SRPK2: variants seen among roughly 807,000 people sequenced by gnomAD.
SRPK2 encodes SRSF protein kinase 2.
SRPK2 carries 21 observed loss-of-function variants against 90.8 expected under a neutral mutation model. The ratio of observed to expected loss-of-function variants is 0.23; its 90% CI spans 0.16 to 0.33. SRPK2 has a LOEUF of 0.33. Among genes scored for constraint, SRPK2 ranks in the 10% least tolerant of loss-of-function variants. SRPK2 has a pLI of 1.00. For synonymous variants in SRPK2, 288 were observed against 311.1 expected (o/e 0.93, Z 0.78); for missense variants, 620 against 869.0 (o/e 0.71, Z 3.60).
chr7:105,271,137 G>A (rs910450499), intron 2 of SRPK2, among the ~76,000 whole-genome samples: 1 of 152,134 alleles, frequency 6.6e-6, no homozygotes, highest in Non-Finnish European at 1.5e-5. Context: ...GATTACACTT[G>A]AATCCATCTT....
rs143148874 is a variant in SRPK2 at position 105,270,869 on chromosome 7, T to C, written c.72-67084A>G. 2.9e-3 allele frequency among the ~76,000 whole-genome samples: 444 copies of C among 152,354 alleles called. 1 individual carries two copies. Among genetic ancestry groups the C allele is most frequent in the African/African-American group, 9.9e-3 (411 of 41,592 alleles). ...CATGAAAATAAAGTAGTATTGTGCC[T>C]GGGATGCCATGAGCCCTCCCTGCTT... On this transcript the variant is annotated intron_variant, in intron 2 of 15. Transcript: ENST00000393651.
upstream of SRPK2, among the ~76,000 whole-genome samples, chr7:105,389,814 A>G (rs910590587): frequency 1.3e-5 from 2 of 152,236 alleles, no homozygotes; most frequent in African/African-American, 2.4e-5. Flanking sequence ...ATTTATGTAA[A>G]TAATTACAAT....
chr7:105,276,814 G>A (rs900239816), intron 2 of SRPK2, among the ~76,000 whole-genome samples: 1 of 152,142 alleles, frequency 6.6e-6, no homozygotes, highest in African/African-American at 2.4e-5. Flanking sequence ...TAGAAGTTAA[G>A]AGGAAAATGC....
intron 2 of SRPK2, among the ~76,000 whole-genome samples, chr7:105,350,666 A>G (rs914278848): frequency 6.6e-6 from 1 of 151,872 alleles, no homozygotes; most frequent in African/African-American, 2.4e-5. Flanking sequence ...CTAGAACTAC[A>G]GGCATACGCC....
At chr7:105,205,766 G>A (rs1008911937) in intron 2 of SRPK2, among the ~76,000 whole-genome samples, 2 of 152,172 alleles carry the variant, frequency 1.3e-5, no homozygotes, top group African/African-American at 4.8e-5. Flanking sequence ...CCAGCGGGAG[G>A]AAAAGGTTTG....
At chr7:105,311,961 A>G (rs1811751803) in intron 2 of SRPK2, among the ~76,000 whole-genome samples, 1 of 152,254 alleles carries the variant, frequency 6.6e-6, no homozygotes, top group Non-Finnish European at 1.5e-5. Context: ...TCCAAATGCC[A>G]TCAATGGGTG....
intron 2 of SRPK2, among the ~76,000 whole-genome samples, chr7:105,344,981 C>G (rs937465076): frequency 1.3e-5 from 2 of 151,922 alleles, no homozygotes; most frequent in Non-Finnish European, 2.9e-5. Context: ...ACTAAAAACA[C>G]AAAAATTAGC....
chr7:105,191,274 C>A (rs548510928), intron 3 of SRPK2, among the ~76,000 whole-genome samples: 1 of 152,290 alleles, frequency 6.6e-6, no homozygotes, highest in East Asian at 1.9e-4. Flanking sequence ...TCTCTATCAA[C>A]ATTTTTAAAA....
intron 15 of SRPK2, among the ~76,000 whole-genome samples, chr7:105,120,196 CT>C (rs1800135179): frequency 6.6e-6 from 1 of 152,174 alleles, no homozygotes; most frequent in Non-Finnish European, 1.5e-5. Flanking sequence ...AGGGAGCGAA[CT>C]TTTATGACAT....
intron 2 of SRPK2, among the ~76,000 whole-genome samples, chr7:105,265,607 G>A (rs115793282): frequency 5.3e-5 from 8 of 152,018 alleles, no homozygotes; most frequent in African/African-American, 1.7e-4. Flanking sequence ...ATGAAGAAAC[G>A]AGAACTTGAA....
chr7:105,379,779 C>T (rs574705737), intron 2 of SRPK2, among the ~76,000 whole-genome samples: 46 of 152,216 alleles, frequency 3.0e-4, no homozygotes, highest in African/African-American at 1.0e-3. Context: ...GAGATCGAGA[C>T]CAGCCCGGCC....
At chr7:105,330,372 T>G (rs1368969773) in intron 2 of SRPK2, among the ~76,000 whole-genome samples, 1 of 150,870 alleles carries the variant, frequency 6.6e-6, no homozygotes, top group Non-Finnish European at 1.5e-5. Context: ...AAATAAAATA[T>G]AAAAAATAAA....
At chr7:105,395,505 G>A (rs1822296952) in intron 1 of SRPK2, among the ~76,000 whole-genome samples, 2 of 151,804 alleles carry the variant, frequency 1.3e-5, no homozygotes, top group Non-Finnish European at 2.9e-5. Context: ...CAAGGCGGGC[G>A]AATCACCTGA....
chr7:105,181,579 C>A (rs992303356), intron 3 of SRPK2, among the ~76,000 whole-genome samples: 1 of 152,080 alleles, frequency 6.6e-6, no homozygotes, highest in Non-Finnish European at 1.5e-5. Context: ...ATGGATGGAG[C>A]TGGAGGCCAT....
chr7:105,335,809 A>G (rs1293609943), intron 2 of SRPK2, among the ~76,000 whole-genome samples: 1 of 152,036 alleles, frequency 6.6e-6, no homozygotes, highest in African/African-American at 2.4e-5. Flanking sequence ...ACAAAAAATT[A>G]GCCAAGCGTG....
intron 3 of SRPK2, among the ~76,000 whole-genome samples, chr7:105,188,331 G>A (rs892790902): frequency 6.6e-6 from 1 of 151,856 alleles, no homozygotes; most frequent in Non-Finnish European, 1.5e-5. Context: ...GGTTGTAGAG[G>A]GGAGGAGAAT....
rs189277067 is a variant in SRPK2, at chr7:105,360,523, A to G, written c.71+28125T>C. On this transcript the variant is annotated intron_variant, in intron 2 of 15. Transcript: ENST00000393651. ...TGGCTAGTACCAGCTTTTCCTTTCC[A>G]TATTTAGTGCTTCCTTCAGGAGCTC... Among the ~76,000 whole-genome samples, 431 of 152,178 alleles carry G rather than the reference A, an allele frequency of 2.8e-3. 10 individuals are homozygous for G. The East Asian group carries it at 0.055, about 20-fold the overall frequency.
intron 2 of SRPK2, among the ~76,000 whole-genome samples, chr7:105,346,757 C>CA (rs1170708059): frequency 3.4e-5 from 5 of 147,034 alleles, no homozygotes; most frequent in African/African-American, 5.0e-5. Context: ...GACTCCATCT[C>CA]AAAAAAAACA....
intron 2 of SRPK2, among the ~76,000 whole-genome samples, chr7:105,285,128 G>A (rs1437511922): frequency 6.6e-6 from 1 of 152,146 alleles, no homozygotes; most frequent in Non-Finnish European, 1.5e-5. Context: ...GCTCCAGCCT[G>A]TAATCCCAGC....
Sources: allele counts gnomAD v4.1 joint callset (sites outside exome capture counted in the v4.1 genomes callset), GRCh38; gene constraint gnomAD v4.1.1; transcripts MANE v1.5; gene names NCBI Gene and HGNC (gene_info 2026-07-23, HGNC 2026-07-21).